PLPPR3: variants seen among roughly 807,000 people sequenced by gnomAD.
PLPPR3 encodes phospholipid phosphatase related 3.
PLPPR3 carries 14 observed loss-of-function variants against 27.3 expected under a neutral mutation model. The ratio of observed to expected loss-of-function variants is 0.51; its 90% confidence interval spans 0.34 to 0.80. The LOEUF (loss-of-function observed/expected upper bound fraction) is 0.80, where lower values mean the gene tolerates loss of function less well. Among genes scored for constraint, PLPPR3 ranks in the 30% least tolerant of loss-of-function variants. The pLI is 0.01. For synonymous variants in PLPPR3, 671 were observed against 508.0 expected, an observed-to-expected ratio of 1.32 and a Z score of -4.32; for missense variants, 1,287 against 1,056.9, an observed-to-expected ratio of 1.22 and a Z score of -3.02.
In PLPPR3 at chr19:813,913, C is replaced by T; in HGVS notation, c.832-18G>A. ...TGGCAGGCCTGTCGGGGAGAGGGGTCTGGGGGTGAGGCCTGGGGCTCAGAG... is the reference window on the plus strand; with the variant it reads ...TGGCAGGCCTGTCGGGGAGAGGGGTTTGGGGGTGAGGCCTGGGGCTCAGAG... On this transcript the variant is annotated intron_variant, in intron 7 of 7. Transcript: ENST00000520876. The surrounding 1 kb of genome is among the most constrained non-coding windows in gnomAD (Gnocchi z 4.1). 1 of 1,422,302 alleles carries T rather than the reference C, an allele frequency of 7.0e-7. No homozygotes were observed. The highest frequency in any genetic ancestry group is 9.1e-7 in the Non-Finnish European group (1 of 1,095,728). 88.1% of individuals were successfully genotyped at this position (1,422,302 alleles called of 1,614,324 possible).
rs771521353 is a variant in PLPPR3 at position 814,751 on chromosome 19, T to C, written c.600-2A>G. 1.3e-6 allele frequency: 2 copies of C among 1,568,410 alleles called. No homozygotes were observed. The highest frequency in any genetic ancestry group is 1.2e-5 in the South Asian group (1 of 85,772). ...GCGTGCTGGGACGGGAAGGTCTTCCTGTAAGAGGCGTCCAGCGTGAGCCCC... is the reference window on the plus strand; with the variant it reads ...GCGTGCTGGGACGGGAAGGTCTTCCCGTAAGAGGCGTCCAGCGTGAGCCCC... On this transcript the variant is annotated splice_acceptor_variant, in intron 5 of 7. Transcript: ENST00000520876. LOFTEE classifies it high-confidence loss of function.
intron 1 of PLPPR3, 52 bp from the exon 2 acceptor site, chr19:821,637 G>A (rs1432342367): frequency 9.1e-7 from 1 of 1,098,414 alleles, no homozygotes; most frequent in African/African-American, 1.7e-5. Context: ...GAGCCCGGGG[G>A]AGACACGGTG....
At position 813,032 on chromosome 19, in the gene PLPPR3, G is replaced by C. The variant is rs1249737940; in HGVS notation, c.1695C>G (p.Asp565Glu). 6.6e-7 allele frequency: 1 copy of C among 1,518,302 alleles called. No homozygotes were observed. The highest frequency in any genetic ancestry group is 8.8e-7 in the Non-Finnish European group (1 of 1,141,372). 94.1% of individuals were successfully genotyped at this position (1,518,302 alleles called of 1,614,324 possible). A position where few individuals can be genotyped will look rare whatever the true frequency, so the allele number is the denominator to read the frequency against. Residue 565 changes from aspartate (D) to glutamate (E), a missense_variant, in exon 8 of 8, where the codon GAC (aspartate) becomes GAG (glutamate). Asp to Glu is a conservative substitution (Grantham distance 45). Coordinates refer to ENST00000520876, the MANE Select transcript of PLPPR3 (RefSeq NM_001270366.2). This position sits in a 1 kb window ranked among gnomAD's most constrained non-coding sequence, Gnocchi z 4.1. ...ETASSSSASS[D>E]SSQYRSPSDR... ...CCGACGGCGACCGGTACTGCGAGGA[G>C]TCGGAGCTGGCGCTGGACGACGACG...
At chr19:815,361 G>A (rs1408991315) in intron 3 of PLPPR3, 34 bp from the exon 4 acceptor site, 32 of 1,513,288 alleles carry the variant, frequency 2.1e-5, no homozygotes, top group Non-Finnish European at 2.8e-5. Context: ...AGGCCTCGGT[G>A]CCCACAGGGA....
intron 2 of PLPPR3, among the ~76,000 whole-genome samples, chr19:821,267 C>T (rs1487058926): frequency 6.6e-6 from 1 of 150,410 alleles, no homozygotes; most frequent in Non-Finnish European, 1.5e-5. Context: ...CCACAGTTCC[C>T]ACGGCCTGGA....
In PLPPR3 at chr19:815,397, TGCAGTGCCC is replaced by T. The variant is rs1447759632; in HGVS notation, c.262-79_262-71del. ...GGGGGCGCTCAGGCGGGCTCCCATC[TGCAGTGCCC>T]ACAGGCTGGCACAGGCCCCGGTGTG... On this transcript the variant is annotated intron_variant, in intron 3 of 7. Coordinates refer to ENST00000520876, the MANE Select transcript of PLPPR3 (RefSeq NM_001270366.2). The T allele has an allele frequency of 5.5e-6, 8 of 1,466,194 alleles. No individual in the cohort carries two copies. The African/African-American group carries it at 9.8e-5, about 18-fold the overall frequency. The allele number at this position is 1,466,194 out of a possible 1,614,324, so 90.8% of individuals were successfully genotyped here.
Position 821,492 on chromosome 19 carries a change from A to G in PLPPR3, c.68T>C (p.Phe23Ser). Residue 23 changes from phenylalanine to serine, a missense_variant, in exon 2 of 8, where the codon TTC (phenylalanine) becomes TCC (serine). Phe to Ser is a radical substitution (Grantham distance 155, BLOSUM62 -2). Transcript: ENST00000520876. ...DSMTLLPCFY[F>S]VELPIVASSI... The stretch of plus-strand genomic sequence containing the variant: ...AGCGCGACCCCCACCCACCTCCACG[A>G]AGTAGAAGCAGGGCAGAAGCGTCAT... 6.8e-7 allele frequency: 1 copy of G among 1,479,062 alleles called. No homozygotes were observed. Among genetic ancestry groups the G allele is most frequent in the Admixed American group, 2.1e-5 (1 of 46,584 alleles). The allele number at this position is 1,479,062 out of a possible 1,614,324, so 91.6% of individuals were successfully genotyped here.
Position 812,937 on chromosome 19 carries a change from G to C in PLPPR3, c.1790C>G (p.Ala597Gly), listed in dbSNP as rs768946442. 1.5e-5 allele frequency: 21 copies of C among 1,361,688 alleles called. No individual in the cohort carries two copies. The highest frequency in any genetic ancestry group is 5.8e-5 in the South Asian group (4 of 68,938). 84.4% of individuals were successfully genotyped at this position (1,361,688 alleles called of 1,614,324 possible). A position where few individuals can be genotyped will look rare whatever the true frequency, so the allele number is the denominator to read the frequency against. Residue 597 changes from alanine to glycine, a missense_variant, in exon 8 of 8, where the codon GCC becomes GGC. Coordinates refer to ENST00000520876, the MANE Select transcript of PLPPR3 (RefSeq NM_001270366.2). ...CTTCCACTCCCAGGGCGCGCCGCCG[G>C]CCGACAGGTGCACCACGGGGTGGTG... ...APHHPVVHLS[A>G]GGAPWEWKAA...
chr19:821,349 C>T (rs1176361818), intron 2 of PLPPR3, 136 bp downstream of exon 2: 10 of 622,760 alleles, frequency 1.6e-5, no homozygotes, highest in Non-Finnish European at 2.0e-5. Context: ...CCCCATCCGC[C>T]GGACACCCCG....
intron 2 of PLPPR3, among the ~76,000 whole-genome samples, chr19:821,022 A>C (rs1568287920): frequency 6.6e-6 from 1 of 152,188 alleles, no homozygotes; most frequent in Non-Finnish European, 1.5e-5. Flanking sequence ...TTCTGTAGAT[A>C]TTAATTCCTA....
In PLPPR3 at chr19:813,559, G is replaced by T; in HGVS notation, c.1168C>A (p.Arg390Ser). 1.9e-6 allele frequency: 3 copies of T among 1,559,572 alleles called. No homozygotes were observed. Among genetic ancestry groups the T allele is most frequent in the Non-Finnish European group, 1.7e-6 (2 of 1,154,138 alleles). Reference protein sequence around the residue: ...ASAPSLDDPARRHMTIHVPLD... With the variant: ...ASAPSLDDPASRHMTIHVPLD... ...GGCACGTGGATGGTCATGTGGCGGCGCGCGGGGTCGTCCAGCGAGGGCGCG... is the reference window on the plus strand; with the variant it reads ...GGCACGTGGATGGTCATGTGGCGGCTCGCGGGGTCGTCCAGCGAGGGCGCG... Residue 390 changes from arginine (R) to serine (S), a missense_variant, in exon 8 of 8, where the codon CGC (arginine) becomes AGC (serine). Arg to Ser is a moderately radical substitution (Grantham distance 110). Transcript: ENST00000520876. The surrounding 1 kb of genome is among the most constrained non-coding windows in gnomAD (Gnocchi z 4.1).
chr19:818,962 T>C (rs1403422848), intron 2 of PLPPR3, among the ~76,000 whole-genome samples: 2,086 of 90,846 alleles, frequency 0.023, 604 homozygotes, highest in African/African-American at 0.04. Flanking sequence ...CTCGGCCTTA[T>C]TATTATTATT....
Position 812,618 on chromosome 19 carries a change from C to T in PLPPR3, c.2109G>A (p.Glu703=), listed in dbSNP as rs1314301805. ...GCATCTTGCGGAAGTAGCCCTCGGC[C>T]TCCGCCTCCGCCTCGCGCTCCGCCA... ...LGLAEREAEA[E]AEGYFRKMQA... is the part of the protein sequence containing the mutation. Residue 703 remains glutamate (E), a synonymous_variant, in exon 8 of 8, where the codon GAG becomes GAA. Coordinates refer to ENST00000520876, the MANE Select transcript of PLPPR3 (RefSeq NM_001270366.2). 1.8e-6 allele frequency: 2 copies of T among 1,117,380 alleles called. No individual in the cohort carries two copies. The highest frequency in any genetic ancestry group is 2.2e-6 in the Non-Finnish European group (2 of 903,590). 69.2% of individuals were successfully genotyped at this position (1,117,380 alleles called of 1,614,324 possible).
intron 2 of PLPPR3, among the ~76,000 whole-genome samples, chr19:819,279 CTTTT>C (rs1252377454): frequency 1.6e-5 from 1 of 60,988 alleles, no homozygotes; most frequent in Non-Finnish European, 2.7e-5. Flanking sequence ...ACCCAGCCTA[CTTTT>C]TTTTTTTTTT....
chr19:820,246 T>G (rs2035124705), intron 2 of PLPPR3, among the ~76,000 whole-genome samples: 1 of 152,118 alleles, frequency 6.6e-6, no homozygotes, highest in South Asian at 2.1e-4. Context: ...TGCAGTGGTG[T>G]GATCACAACT....
rs2035046393 is a variant in PLPPR3 at position 815,964 on chromosome 19, A to G, written c.76-113T>C. 6 of 1,033,012 alleles carry G rather than the reference A, an allele frequency of 5.8e-6. No homozygotes were observed. The Admixed American group carries it at 1.3e-4, about 23-fold the overall frequency. 64.0% of individuals were successfully genotyped at this position (1,033,012 alleles called of 1,614,324 possible). A position where few individuals can be genotyped will look rare whatever the true frequency, so the allele number is the denominator to read the frequency against. The stretch of plus-strand genomic sequence containing the variant: ...TCTCACTCACCTATCCACAGATCCA[A>G]CCCGCTCCCAGCCACTCTTTCCCCC... On this transcript the variant is annotated intron_variant, in intron 2 of 7. Coordinates refer to ENST00000520876, the MANE Select transcript of PLPPR3 (RefSeq NM_001270366.2).
chr19:815,169 C>T lies in PLPPR3; in HGVS notation c.403+17G>A, dbSNP rs1005042237. ...ATGTGGAGGTAGCTCAGGGTCGGGGCGCGTCCCGCAACTCACCCACAAACC... is the reference window on the plus strand; with the variant it reads ...ATGTGGAGGTAGCTCAGGGTCGGGGTGCGTCCCGCAACTCACCCACAAACC... On this transcript the variant is annotated intron_variant, in intron 4 of 7. Coordinates refer to ENST00000520876, the MANE Select transcript of PLPPR3 (RefSeq NM_001270366.2). 9.4e-6 allele frequency: 15 copies of T among 1,601,838 alleles called. No homozygotes were observed. Among genetic ancestry groups the T allele is most frequent in the African/African-American group, 2.7e-5 (2 of 74,804 alleles).
In PLPPR3 at chr19:815,326, A is replaced by G; in HGVS notation, c.263T>C (p.Ile88Thr). The G allele has an allele frequency of 6.5e-7, 1 of 1,540,158 alleles. No individual in the cohort carries two copies. The highest frequency in any genetic ancestry group is 8.7e-7 in the Non-Finnish European group (1 of 1,143,452). The change falls in exon 4 of 8, where the codon ATC becomes ACC. Residue 88 changes from isoleucine (I) to threonine (T), a missense_variant and splice_region_variant. Transcript: ENST00000520876. The stretch of plus-strand genomic sequence containing the variant: ...GTACAACATGCCCTCGGCCACCATG[A>G]TCTGCCAACAGGGAGGGGGCGCTCA... The part of the protein sequence containing the change: ...SLAFAAPAAS[I>T]MVAEGMLYCL...
rs541966853 is a variant in PLPPR3 at position 818,406 on chromosome 19, A to T, written c.76-2555T>A. On this transcript the variant is annotated intron_variant, in intron 2 of 7. Transcript: ENST00000520876. ...TCAAAAAATAATAATAATAAATAAA[A>T]TAATAATAATAAGGCCGACCGCAGT... Among the ~76,000 whole-genome samples the T allele has an allele frequency of 6.6e-5, 10 of 151,832 alleles. No individual in the cohort carries two copies. The South Asian group carries it at 2.1e-3, about 32-fold the overall frequency.
Sources: gnomAD v4.1 joint callset for allele counts (sites outside exome capture counted in the v4.1 genomes callset) on GRCh38, gnomAD v4.1.1 for gene constraint, Gnocchi (gnomAD v3.1) non-coding constraint, MANE v1.5 for transcripts, NCBI Gene and HGNC (gene_info 2026-07-23, HGNC 2026-07-21) for gene names.